Variants in TAAR1 observed in about 807,000 individuals in gnomAD.
The protein encoded by TAAR1 is trace amine-associated receptor 1.
Under a neutral mutation model 1.2 loss-of-function variants are expected in TAAR1, and 1 was observed. The observed-to-expected ratio is 0.81, with a 90% CI of 0.29 to 3.86. TAAR1 has a LOEUF of 3.86. Among genes scored for constraint, TAAR1 ranks in the 30% most tolerant of loss-of-function variants. TAAR1 has a pLI of 0.18. For missense variants in TAAR1, 445 were observed against 405.6 expected, an observed-to-expected ratio of 1.10 and a Z score of -0.83; for synonymous variants, 153 against 132.2, an observed-to-expected ratio of 1.16 and a Z score of -1.08.
chr6:132,657,363 A>G (rs1233716821), intron 1 of TAAR1, among the ~76,000 whole-genome samples: 2 of 149,266 alleles, frequency 1.3e-5, no homozygotes, highest in Non-Finnish European at 2.9e-5. Context: ...AAAATAATCT[A>G]AACTTTGATG....
At chr6:132,646,963 C>T (rs1216614370) in intron 1 of TAAR1, among the ~76,000 whole-genome samples, 3 of 151,996 alleles carry the variant, frequency 2.0e-5, no homozygotes, top group African/African-American at 7.2e-5. Context: ...TTTATGATGT[C>T]TTAAATAATG....
At chr6:132,651,900 G>T (rs980611534) in intron 1 of TAAR1, among the ~76,000 whole-genome samples, 4 of 152,170 alleles carry the variant, frequency 2.6e-5, no homozygotes, top group Admixed American at 2.0e-4. Flanking sequence ...AAAGAAACCT[G>T]CATGGTGACA....
rs781577825 is a variant in TAAR1, at chr6:132,645,846, TG to T, written c.157del (p.Gln53AsnfsTer30). ...GAGCCAATTTGTTGGGGTATGAAGT[TG>T]TTTGAAGTGTGATATAGAAACAATA... ...IVIVSISHFK[Q>X]LHTPTNWLIH... On this transcript the variant is annotated frameshift_variant, in exon 2 of 2. Coordinates refer to ENST00000275216, the MANE Select transcript of TAAR1 (RefSeq NM_138327.4). LOFTEE classifies it low-confidence loss of function (END_TRUNC). The T allele has an allele frequency of 7.4e-6, 12 of 1,613,710 alleles. No individual in the cohort carries two copies. The South Asian group carries it at 1.1e-4, about 15-fold the overall frequency.
At position 132,644,016 on chromosome 6, in the gene TAAR1, A is replaced by T. The variant is rs1777630556; in HGVS notation, c.*968T>A. Among the ~76,000 whole-genome samples the T allele has an allele frequency of 6.6e-6, 1 of 151,976 alleles. No individual in the cohort carries two copies. On this transcript the variant is annotated 3_prime_UTR_variant, in exon 2 of 2. Transcript: ENST00000275216. Reference sequence around the variant, plus strand: ...TTTGAACCCTATCATGCCAGATATGACCTTAAGACATGGTAAAATCCTTCT... The same window carrying T: ...TTTGAACCCTATCATGCCAGATATGTCCTTAAGACATGGTAAAATCCTTCT...
intron 1 of TAAR1, among the ~76,000 whole-genome samples, chr6:132,647,625 AAAGAAAGAAAGAAAGAAAGAAAGAAAG>A (rs1777694384): frequency 1.1e-4 from 11 of 96,094 alleles, no homozygotes; most frequent in African/African-American, 3.4e-4. Context: ...AAGAAAAAGG[AAAGAAAGAAAGAAAGAAAGAAAGAAAG>A]AAAGAAAGAA....
intron 1 of TAAR1, among the ~76,000 whole-genome samples, chr6:132,647,675 A>G (rs1349890485): frequency 1.3e-5 from 2 of 150,560 alleles, no homozygotes; most frequent in South Asian, 2.1e-4. Flanking sequence ...AAAGAAAGAA[A>G]GAAAGAAGAA....
In TAAR1 at chr6:132,644,904, G is replaced by A; in HGVS notation, c.*80C>T. The A allele has an allele frequency of 8.6e-7, 1 of 1,160,330 alleles. No homozygotes were observed. The highest frequency in any genetic ancestry group is 1.2e-6 in the Non-Finnish European group (1 of 847,460). The allele number at this position is 1,160,330 out of a possible 1,614,324, so 71.9% of individuals were successfully genotyped here. On this transcript the variant is annotated 3_prime_UTR_variant, in exon 2 of 2. Coordinates refer to ENST00000275216, the MANE Select transcript of TAAR1 (RefSeq NM_138327.4). The stretch of plus-strand genomic sequence containing the variant: ...AACTGATTTAAAAAAAAATCCATGT[G>A]GTTGGTGCATGTGGTTCGTTATGTT...
At position 132,645,961 on chromosome 6, in the gene TAAR1, T is replaced by TC; in HGVS notation, c.42dup (p.Lys15GlufsTer7). ...CGGACATCATTTGACCAGTTGTTTT[T>TC]CACACAGGAAATATTAATTATATTG... On this transcript the variant is annotated frameshift_variant, in exon 2 of 2. Transcript: ENST00000275216. LOFTEE classifies it low-confidence loss of function (END_TRUNC). 3 of 1,608,910 alleles carry TC rather than the reference T, an allele frequency of 1.9e-6. No individual in the cohort carries two copies. The highest frequency in any genetic ancestry group is 2.6e-6 in the Non-Finnish European group (3 of 1,176,418).
intron 1 of TAAR1, among the ~76,000 whole-genome samples, chr6:132,648,743 G>T (rs1777715263): frequency 6.6e-6 from 1 of 152,190 alleles, no homozygotes; most frequent in African/African-American, 2.4e-5. Context: ...GCTTATCTAA[G>T]GACCTGGCAA....
intron 1 of TAAR1, among the ~76,000 whole-genome samples, chr6:132,651,311 T>G (rs62427291): frequency 0.26 from 38,802 of 152,034 alleles, 5,294 homozygotes; most frequent in East Asian, 0.45. Context: ...TAGTCTACAC[T>G]CTGATGAGTA....
Position 132,644,840 on chromosome 6 carries a change from C to T in TAAR1, c.*144G>A, listed in dbSNP as rs1777641078. Reference sequence around the variant, plus strand: ...TCCCAAATAGGAAATTACCTATAAGCATCATAATTTAACTCACCATACATA... The same window carrying T: ...TCCCAAATAGGAAATTACCTATAAGTATCATAATTTAACTCACCATACATA... On this transcript the variant is annotated 3_prime_UTR_variant, in exon 2 of 2. Transcript: ENST00000275216. 1 of 630,726 alleles carries T rather than the reference C, an allele frequency of 1.6e-6. No homozygotes were observed. Among genetic ancestry groups the T allele is most frequent in the Non-Finnish European group, 2.7e-6 (1 of 377,120 alleles). 39.1% of individuals were successfully genotyped at this position (630,726 alleles called of 1,614,324 possible).
Position 132,649,153 on chromosome 6 carries a change from A to C in TAAR1, c.-126-3024T>G, listed in dbSNP as rs141367664. Among the ~76,000 whole-genome samples, 878 of 152,112 alleles carry C rather than the reference A, an allele frequency of 5.8e-3. 5 individuals carry two copies. The highest frequency in any genetic ancestry group is 9.2e-3 in the Admixed American group (140 of 15,272). On this transcript the variant is annotated intron_variant, in intron 1 of 1. Transcript: ENST00000275216. ...ACTACTCTACTCATTTCCTAATCCA[A>C]ACCAATTTCCCATTGTGGTATTACT...
intron 1 of TAAR1, among the ~76,000 whole-genome samples, chr6:132,649,955 C>G (rs1281709450): frequency 6.6e-6 from 1 of 152,220 alleles, no homozygotes; most frequent in African/African-American, 2.4e-5. Context: ...AACGCTACTC[C>G]TGCTAAAGTT....
At position 132,645,588 on chromosome 6, in the gene TAAR1, A is replaced by G. The variant is rs1481364978; in HGVS notation, c.416T>C (p.Val139Ala). The G allele has an allele frequency of 6.2e-7, 1 of 1,613,690 alleles. No individual in the cohort carries two copies. The highest frequency in any genetic ancestry group is 2.2e-5 in the East Asian group (1 of 44,854). Residue 139 changes from valine (V) to alanine (A), a missense_variant, in exon 2 of 2, where the codon GTT becomes GCT. Coordinates refer to ENST00000275216, the MANE Select transcript of TAAR1 (RefSeq NM_138327.4). ...ACTAATGAAGATCATCACACAAATA[A>G]CCAAGATATTCATCTTGGCTTTATA... The part of the protein sequence containing the change: ...LRYKAKMNIL[V>A]ICVMIFISWS...
intron 1 of TAAR1, among the ~76,000 whole-genome samples, chr6:132,647,623 G>GGAAAGAAAGAAAGAAAGAAAGAAA (rs1554208955): frequency 1.9e-5 from 2 of 103,070 alleles, no homozygotes; most frequent in Non-Finnish European, 3.6e-5. Flanking sequence ...GAAAGAAAAA[G>GGAAAGAAAGAAAGAAAGAAAGAAA]GAAAGAAAGA....
intron 1 of TAAR1, among the ~76,000 whole-genome samples, chr6:132,647,561 G>A (rs200524583): frequency 9.5e-4 from 86 of 90,734 alleles, no homozygotes; most frequent in African/African-American, 3.4e-3. Context: ...AAAAAGAAAG[G>A]AAGGAAGGAA....
chr6:132,656,701 A>G (rs1205416615), intron 1 of TAAR1, among the ~76,000 whole-genome samples: 1 of 152,218 alleles, frequency 6.6e-6, no homozygotes, highest in Non-Finnish European at 1.5e-5. Context: ...AAGCACCCAA[A>G]TAGAAAGAAC....
At chr6:132,646,260 T>G (rs568795812) in intron 1 of TAAR1, among the ~76,000 whole-genome samples, 131 bp from the exon 2 acceptor site, 1 of 152,182 alleles carries the variant, frequency 6.6e-6, no homozygotes, top group African/African-American at 2.4e-5. Flanking sequence ...CATTCAATAG[T>G]TCAGTACAGC....
At position 132,645,383 on chromosome 6, in the gene TAAR1, T is replaced by C. The variant is rs140105605; in HGVS notation, c.621A>G (p.Leu207=). The C allele has an allele frequency of 2.8e-5, 45 of 1,613,402 alleles. No homozygotes were observed. In the African/African-American group the frequency reaches 5.6e-4, roughly 20 times the overall value. ...TAAGATATATTCTGTAATAGACACATAACATAATAGATCCAGGTATATAAA... is the reference window on the plus strand; with the variant it reads ...TAAGATATATTCTGTAATAGACACACAACATAATAGATCCAGGTATATAAA... The part of the protein sequence containing the change: ...TSFYIPGSIM[L]CVYYRIYLIA... The change falls in exon 2 of 2, where the codon TTA becomes TTG. Residue 207 remains leucine, a synonymous_variant. Coordinates refer to ENST00000275216, the MANE Select transcript of TAAR1 (RefSeq NM_138327.4).
Sources: allele counts gnomAD v4.1 joint callset (sites outside exome capture counted in the v4.1 genomes callset), GRCh38; gene constraint gnomAD v4.1.1; transcripts MANE v1.5; gene names NCBI Gene and HGNC (gene_info 2026-07-23, HGNC 2026-07-21).